The following LDHA variants were observed in gnomAD, a reference collection of about 807,000 sequenced individuals.
The protein encoded by LDHA is lactate dehydrogenase A.
A neutral mutation model predicts 36.3 loss-of-function variants in LDHA; 10 were observed. The ratio of observed to expected loss-of-function variants is 0.28; its 90% CI spans 0.17 to 0.47. The LOEUF is 0.47. Ranked by LOEUF, LDHA falls within the 20% of genes least tolerant of loss-of-function variation. The pLI is 0.99. For synonymous variants in LDHA, 110 were observed against 136.7 expected (o/e 0.80, Z 1.36); for missense variants, 267 against 405.8 (o/e 0.66, Z 2.94).
Position 18,408,207 on chromosome 11 carries a change from C to A in LDHA, c.*926C>A. On this transcript the variant is annotated 3_prime_UTR_variant, in exon 8 of 8. Transcript: ENST00000422447. ...GAAGCTGGTAACAATTAAAAACAAT[C>A]TTAAGGCAGGGTGCAGTGGCTCATG... 2.2e-6 allele frequency: 1 copy of A among 453,950 alleles called. No individual in the cohort carries two copies. The highest frequency in any genetic ancestry group is 6.9e-5 in the East Asian group (1 of 14,406). The allele number at this position is 453,950 out of a possible 1,614,324, so 28.1% of individuals were successfully genotyped here.
chr11:18,396,767 T>A lies in LDHA; in HGVS notation c.-24-52T>A, dbSNP rs535684320. On this transcript the variant is annotated intron_variant, in intron 1 of 7. Transcript: ENST00000422447. ...AAAATAGCTTAAAAAAATCTCTTGG[T>A]TAATAAACATTAAAGAAGCTGTAGT... 3.0e-4 allele frequency: 452 copies of A among 1,500,554 alleles called. 2 individuals are homozygous for A. In the African/African-American group the frequency reaches 6.0e-3, roughly 20 times the overall value. 93.0% of individuals were successfully genotyped at this position (1,500,554 alleles called of 1,614,324 possible).
intron 7 of LDHA, chr11:18,406,880 G>T: frequency 2.3e-6 from 1 of 431,704 alleles, no homozygotes; most frequent in Non-Finnish European, 4.2e-6. Flanking sequence ...CAAGTGTGGT[G>T]GCGCACGCCT....
Position 18,405,547 on chromosome 11 carries a change from T to C in LDHA, c.809T>C (p.Val270Ala). 5.0e-6 allele frequency: 8 copies of C among 1,614,000 alleles called. No homozygotes were observed. The highest frequency in any genetic ancestry group is 6.8e-6 in the Non-Finnish European group (8 of 1,179,928). ...AGTATAATGAAGAATCTTAGGCGGGTGCACCCAGTTTCCACCATGATTAAG... is the reference window on the plus strand; with the variant it reads ...AGTATAATGAAGAATCTTAGGCGGGCGCACCCAGTTTCCACCATGATTAAG... ...AESIMKNLRR[V>A]HPVSTMIKGL... Residue 270 changes from valine (V) to alanine (A), a missense_variant, in exon 7 of 8, where the codon GTG (valine) becomes GCG (alanine). Coordinates refer to ENST00000422447, the MANE Select transcript of LDHA (RefSeq NM_005566.4).
chr11:18,396,504 T>C (rs1466258063), intron 1 of LDHA: 1 of 1,095,424 alleles, frequency 9.1e-7, no homozygotes, highest in East Asian at 3.0e-5. Flanking sequence ...CAGAGTGATC[T>C]TGTCTGAGGA....
Position 18,400,560 on chromosome 11 carries a change from G to A in LDHA, c.245-277G>A. The A allele has an allele frequency of 5.0e-6, 2 of 396,912 alleles. 1 individual carries two copies. The highest frequency in any genetic ancestry group is 3.8e-5 in the South Asian group (2 of 52,438). The allele number at this position is 396,912 out of a possible 1,614,324, so 24.6% of individuals were successfully genotyped here. On this transcript the variant is annotated intron_variant, in intron 3 of 7. Coordinates refer to ENST00000422447, the MANE Select transcript of LDHA (RefSeq NM_005566.4). ...ATGGAAGAGTGTGAACGTTGAGCTTGGGGATCAAAAATTTGAGGATATGTA... is the reference window on the plus strand; with the variant it reads ...ATGGAAGAGTGTGAACGTTGAGCTTAGGGATCAAAAATTTGAGGATATGTA...
In LDHA at chr11:18,407,737, A is replaced by G. The variant is rs201297054; in HGVS notation, c.*456A>G. 2.1e-6 allele frequency: 1 copy of G among 470,122 alleles called. No homozygotes were observed. Among genetic ancestry groups the G allele is most frequent in the Non-Finnish European group, 4.2e-6 (1 of 237,884 alleles). The allele number at this position is 470,122 out of a possible 1,614,324, so 29.1% of individuals were successfully genotyped here. A position where few individuals can be genotyped will look rare whatever the true frequency, so the allele number is the denominator to read the frequency against. On this transcript the variant is annotated 3_prime_UTR_variant, in exon 8 of 8. Transcript: ENST00000422447. ...TCCAAAGGATCTTATTTTGTGAACT[A>G]TATCAGTAGTGTACATTACCATATA...
intron 4 of LDHA, among the ~76,000 whole-genome samples, chr11:18,401,473 CTTTTTTT>C (rs58157049): frequency 8.6e-4 from 59 of 68,600 alleles, no homozygotes; most frequent in Admixed American, 1.0e-3. Flanking sequence ...ATTTATTTTT[CTTTTTTT>C]TTTTTTTTTT....
Position 18,394,601 on chromosome 11 carries a change from C to T in LDHA, c.-60C>T, listed in dbSNP as rs1339006641. The T allele has an allele frequency of 4.4e-6, 2 of 454,014 alleles. No homozygotes were observed. The highest frequency in any genetic ancestry group is 2.3e-5 in the Admixed American group (1 of 42,558). The allele number at this position is 454,014 out of a possible 1,614,324, so 28.1% of individuals were successfully genotyped here. ...TGCCGCCGATTCCGGATCTCATTGC[C>T]ACGCGCCCCCGACGACCGCCCGACG... On this transcript the variant is annotated 5_prime_UTR_variant, in exon 1 of 8. Coordinates refer to ENST00000422447, the MANE Select transcript of LDHA (RefSeq NM_005566.4).
In LDHA at chr11:18,408,065, A is replaced by G. The variant is rs1372741076; in HGVS notation, c.*784A>G. ...GTATTATATATTTGATAATAATGCTAATCATAATTGGAAAGTAACATTCTA... is the reference window on the plus strand; with the variant it reads ...GTATTATATATTTGATAATAATGCTGATCATAATTGGAAAGTAACATTCTA... On this transcript the variant is annotated 3_prime_UTR_variant, in exon 8 of 8. Coordinates refer to ENST00000422447, the MANE Select transcript of LDHA (RefSeq NM_005566.4). 6 of 453,832 alleles carry G rather than the reference A, an allele frequency of 1.3e-5. No individual in the cohort carries two copies. Among genetic ancestry groups the G allele is most frequent in the Admixed American group, 9.4e-5 (4 of 42,522 alleles). 28.1% of individuals were successfully genotyped at this position (453,832 alleles called of 1,614,324 possible). A position where few individuals can be genotyped will look rare whatever the true frequency, so the allele number is the denominator to read the frequency against.
rs1332909973 is a variant in LDHA at position 18,408,297 on chromosome 11, C to T, written c.*1016C>T. 2.4e-6 allele frequency: 1 copy of T among 415,134 alleles called. No homozygotes were observed. The highest frequency in any genetic ancestry group is 2.1e-5 in the African/African-American group (1 of 47,836). 25.7% of individuals were successfully genotyped at this position (415,134 alleles called of 1,614,324 possible). A position where few individuals can be genotyped will look rare whatever the true frequency, so the allele number is the denominator to read the frequency against. On this transcript the variant is annotated 3_prime_UTR_variant, in exon 8 of 8. Transcript: ENST00000422447. ...TCACTGGAGGCCAGGAATTGGGGAC[C>T]AGCCTGGCCAACACAACAAAACCCC...
rs766720385 is a variant in LDHA, at chr11:18,405,541, G to A, written c.803G>A (p.Arg268Lys). Reference sequence around the variant, plus strand: ...GCAGAGAGTATAATGAAGAATCTTAGGCGGGTGCACCCAGTTTCCACCATG... The same window carrying A: ...GCAGAGAGTATAATGAAGAATCTTAAGCGGGTGCACCCAGTTTCCACCATG... ...DLAESIMKNL[R>K]RVHPVSTMIK... The change falls in exon 7 of 8, where the codon AGG (arginine) becomes AAG (lysine). Residue 268 changes from arginine to lysine, a missense_variant. Coordinates refer to ENST00000422447, the MANE Select transcript of LDHA (RefSeq NM_005566.4). 2.5e-6 allele frequency: 4 copies of A among 1,613,866 alleles called. No individual in the cohort carries two copies. In the Admixed American group the frequency reaches 5.0e-5, roughly 20 times the overall value.
chr11:18,396,762 C>G, intron 1 of LDHA, 57 bp from the exon 2 acceptor site: 1 of 1,483,684 alleles, frequency 6.7e-7, no homozygotes, highest in Non-Finnish European at 9.1e-7. Flanking sequence ...AAAAAAATCT[C>G]TTGGTTAATA....
chr11:18,397,993 C>T (rs960123732), intron 2 of LDHA, among the ~76,000 whole-genome samples: 3 of 152,108 alleles, frequency 2.0e-5, no homozygotes, highest in African/African-American at 7.2e-5. Flanking sequence ...AATACACCAA[C>T]TTTTATTCCT....
chr11:18,398,127 G>T (rs1433515933), intron 2 of LDHA, among the ~76,000 whole-genome samples: 3 of 152,164 alleles, frequency 2.0e-5, no homozygotes, highest in Non-Finnish European at 1.5e-5. Flanking sequence ...TTATATTGTG[G>T]ATGATTTAGG....
intron 1 of LDHA, 154 bp from the exon 2 acceptor site, chr11:18,396,665 G>A: frequency 7.2e-7 from 1 of 1,379,716 alleles, no homozygotes; most frequent in Non-Finnish European, 9.5e-7. Context: ...ACTCTCTTTT[G>A]GCAACCATTA....
At chr11:18,400,705 A>G (rs868218202) in intron 3 of LDHA, 132 bp from the exon 4 acceptor site, 4 of 719,822 alleles carry the variant, frequency 5.6e-6, no homozygotes, top group East Asian at 2.7e-5. Context: ...CTCTTCCTCC[A>G]TTTAAGAAGC....
intron 4 of LDHA, among the ~76,000 whole-genome samples, chr11:18,401,434 C>T (rs185328272): frequency 1.8e-4 from 27 of 149,350 alleles, no homozygotes; most frequent in African/African-American, 4.9e-4. Context: ...CGTGAGCCAC[C>T]GTGCCCAGCC....
intron 5 of LDHA, 91 bp from the exon 6 acceptor site, chr11:18,403,603 T>C (rs1044361328): frequency 8.0e-6 from 7 of 880,028 alleles, no homozygotes; most frequent in Non-Finnish European, 1.4e-5. Flanking sequence ...TGAGTATTCT[T>C]CCTCCGAAGA....
Position 18,400,998 on chromosome 11 carries a change from GTTTCAA to G in LDHA, c.407_412del (p.Val136_Asn138delinsAsp). On this transcript the variant is annotated inframe_deletion, in exon 4 of 8. Transcript: ENST00000422447. ...CAGCCCGAACTGCAAGTTGCTTATT[GTTTCAA>G]ATCCAGGTGAGGCTTTTGACTGCAT... is the stretch of plus-strand genomic sequence containing the variant. The G allele has an allele frequency of 6.2e-7, 1 of 1,612,618 alleles. No homozygotes were observed. The highest frequency in any genetic ancestry group is 1.7e-5 in the Admixed American group (1 of 59,878).
Sources: gnomAD v4.1 joint callset for allele counts (sites outside exome capture counted in the v4.1 genomes callset) on GRCh38, gnomAD v4.1.1 for gene constraint, MANE v1.5 for transcripts, NCBI Gene and HGNC (gene_info 2026-07-23, HGNC 2026-07-21) for gene names.